Variants in CDK13 observed in about 807,000 individuals in gnomAD.
CDK13 encodes the protein cyclin-dependent kinase 13.
CDK13 carries 40 observed loss-of-function variants against 137.6 expected under a neutral mutation model. The ratio of observed to expected loss-of-function variants is 0.29; its 90% CI spans 0.23 to 0.38. The LOEUF (loss-of-function observed/expected upper bound fraction) is 0.38, where lower values mean the gene tolerates loss of function less well. CDK13 is among the 10% of genes least tolerant of loss of function. The pLI is 1.00. For missense variants in CDK13, 1,704 were observed against 1,951.8 expected (o/e 0.87, Z 2.39); for synonymous variants, 869 against 760.1 (o/e 1.14, Z -2.36).
chr7:40,023,826 A>G (rs534748682), intron 5 of CDK13, among the ~76,000 whole-genome samples: 2 of 152,298 alleles, frequency 1.3e-5, no homozygotes, highest in South Asian at 4.1e-4. Context: ...GAGAAGAATC[A>G]TTACAGCCAT....
At chr7:40,029,516 T>C (rs967202064) in intron 5 of CDK13, among the ~76,000 whole-genome samples, 2 of 150,954 alleles carry the variant, frequency 1.3e-5, no homozygotes, top group Non-Finnish European at 2.9e-5. Flanking sequence ...GGTCAAGAGA[T>C]TGAGATCATC....
intron 10 of CDK13, 29 bp downstream of exon 10, chr7:40,078,150 T>C (rs1786587482): frequency 1.9e-6 from 2 of 1,044,938 alleles, no homozygotes; most frequent in Admixed American, 2.2e-5. Flanking sequence ...AACATCCTTA[T>C]TGCATGAATG....
intron 4 of CDK13, 44 bp from the exon 5 acceptor site, chr7:40,001,817 G>A (rs2116327231): frequency 8.2e-7 from 1 of 1,217,240 alleles, no homozygotes; most frequent in Middle Eastern, 2.2e-4. Context: ...AATGTCATCT[G>A]CTTTTGTTAA....
chr7:40,054,159 G>C (rs1785958138), intron 7 of CDK13, among the ~76,000 whole-genome samples: 1 of 152,004 alleles, frequency 6.6e-6, no homozygotes, highest in African/African-American at 2.4e-5. Flanking sequence ...TTAGTAAAGG[G>C]TCTGCTGAAT....
rs2150548778 is a variant in CDK13 at position 40,094,690 on chromosome 7, ATGT to A, written c.4254_4256del (p.Leu1418del). The A allele has an allele frequency of 4.3e-6, 7 of 1,614,128 alleles. No individual in the cohort carries two copies. The highest frequency in any genetic ancestry group is 5.9e-6 in the Non-Finnish European group (7 of 1,180,012). Reference sequence around the variant, plus strand: ...AGACATTTACCTCAATGCTGGTCCCATGTTGTTTAGTGGAGACAAGGACCATAG... The same window carrying A: ...AGACATTTACCTCAATGCTGGTCCCATGTTTAGTGGAGACAAGGACCATAG... On this transcript the variant is annotated inframe_deletion, in exon 14 of 14. Coordinates refer to ENST00000181839, the MANE Select transcript of CDK13 (RefSeq NM_003718.5).
intron 7 of CDK13, chr7:40,061,291 T>C (rs571372552): frequency 6.6e-6 from 1 of 152,312 alleles, no homozygotes; most frequent in African/African-American, 2.4e-5. Context: ...TCTTATTCTG[T>C]CCTCTTTTCA....
At chr7:40,051,415 G>A (rs1034563684) in intron 7 of CDK13, among the ~76,000 whole-genome samples, 15 of 151,958 alleles carry the variant, frequency 9.9e-5, no homozygotes, top group Non-Finnish European at 1.8e-4. Context: ...CAGATTTATT[G>A]TATTGTCTCA....
chr7:39,999,518 T>G lies in CDK13; in HGVS notation c.2182+18T>G. Reference sequence around the variant, plus strand: ...AGACACTGGTAAGAATGCCAAGTTCTGGGGATCTTTGGGCCTACGGAATGT... The same window carrying G: ...AGACACTGGTAAGAATGCCAAGTTCGGGGGATCTTTGGGCCTACGGAATGT... On this transcript the variant is annotated intron_variant, in intron 4 of 13. Transcript: ENST00000181839. 1 of 1,582,278 alleles carries G rather than the reference T, an allele frequency of 6.3e-7. No homozygotes were observed.
At chr7:39,995,953 TC>T (rs2116302856) in intron 2 of CDK13, among the ~76,000 whole-genome samples, 1 of 152,300 alleles carries the variant, frequency 6.6e-6, no homozygotes, top group Non-Finnish European at 1.5e-5. Flanking sequence ...GAGGTTGCAC[TC>T]CGTCTGGATC....
At position 39,987,995 on chromosome 7, in the gene CDK13, A is replaced by G. The variant is rs1183445420; in HGVS notation, c.1608A>G (p.Lys536=). The part of the protein sequence containing the change: ...PSSGGTLKND[K]AKTKPPLQVT... ...GTGGTGGAACTTTAAAAAATGACAA[A>G]GCAAAAACAAAGCCACCTCTTCAGG... The change falls in exon 2 of 14, where the codon AAA becomes AAG. Residue 536 remains lysine, a synonymous_variant. Transcript: ENST00000181839. The G allele has an allele frequency of 6.2e-7, 1 of 1,614,146 alleles. No homozygotes were observed. The highest frequency in any genetic ancestry group is 2.2e-5 in the East Asian group (1 of 44,884).
At chr7:40,062,991 C>T (rs373104775) in intron 8 of CDK13, 32 bp from the exon 9 acceptor site, 1 of 1,606,272 alleles carries the variant, frequency 6.2e-7, no homozygotes, top group African/African-American at 1.3e-5. Flanking sequence ...TAAAATAGAT[C>T]ATTTGGTAAT....
rs1583950672 is a variant in CDK13, at chr7:39,987,893, T to C, written c.1506T>C (p.Thr502=). The C allele has an allele frequency of 1.2e-6, 2 of 1,614,212 alleles. No homozygotes were observed. Among genetic ancestry groups the C allele is most frequent in the South Asian group, 1.1e-5 (1 of 91,082 alleles). ...TSTPTKGNTE[T]SASASQTNHV... ...CACCTACCAAGGGGAACACGGAAAC[T>C]AGTGCCAGTGCATCACAAACAAACC... The change falls in exon 2 of 14, where the codon ACT becomes ACC. Residue 502 remains threonine (T), a synonymous_variant. Coordinates refer to ENST00000181839, the MANE Select transcript of CDK13 (RefSeq NM_003718.5).
intron 7 of CDK13, among the ~76,000 whole-genome samples, chr7:40,057,239 GAGCAAA>G (rs1786040093): frequency 6.6e-6 from 1 of 152,110 alleles, no homozygotes; most frequent in Admixed American, 6.6e-5. Flanking sequence ...TAGGTGACAA[GAGCAAA>G]ACTGTCTCAA....
chr7:40,083,610 TG>T (rs2150540279), intron 11 of CDK13, among the ~76,000 whole-genome samples: 1 of 152,338 alleles, frequency 6.6e-6, no homozygotes, highest in South Asian at 2.1e-4. Context: ...TTATGGGAAA[TG>T]CCTACCTTAT....
At chr7:40,029,885 G>A (rs532945008) in intron 5 of CDK13, among the ~76,000 whole-genome samples, 92 of 152,128 alleles carry the variant, frequency 6.0e-4, no homozygotes, top group Non-Finnish European at 1.1e-3. Context: ...AACTCCTGAC[G>A]TTGTGATACG....
At chr7:40,036,070 A>C (rs775438515) in intron 5 of CDK13, among the ~76,000 whole-genome samples, 4 of 151,902 alleles carry the variant, frequency 2.6e-5, no homozygotes, top group Non-Finnish European at 5.9e-5. Context: ...TGGCTGAGGC[A>C]GGAGGAGGAG....
chr7:40,002,078 T>A (rs548030752), intron 5 of CDK13, 47 bp downstream of exon 5: 1 of 1,424,906 alleles, frequency 7.0e-7, no homozygotes, highest in South Asian at 1.4e-5. Flanking sequence ...TCATGATTGA[T>A]GTTGCTAACT....
intron 5 of CDK13, among the ~76,000 whole-genome samples, chr7:40,020,034 T>A (rs1179726725): frequency 1.3e-5 from 2 of 152,206 alleles, no homozygotes; most frequent in Non-Finnish European, 2.9e-5. Flanking sequence ...TTTTACAATA[T>A]GTTCTAGATT....
At chr7:40,032,481 C>T (rs926637366) in intron 5 of CDK13, among the ~76,000 whole-genome samples, 6 of 152,162 alleles carry the variant, frequency 3.9e-5, no homozygotes, top group African/African-American at 1.4e-4. Flanking sequence ...TCAAGATCAC[C>T]TAGATTTTCT....
Sources: allele counts gnomAD v4.1 joint callset (sites outside exome capture counted in the v4.1 genomes callset), GRCh38; gene constraint gnomAD v4.1.1; transcripts MANE v1.5; gene names NCBI Gene and HGNC (gene_info 2026-07-23, HGNC 2026-07-21).